CNTN4: variants seen among roughly 807,000 people sequenced by gnomAD.
The protein encoded by CNTN4 is contactin-4.
A neutral mutation model predicts 122.5 loss-of-function variants in CNTN4; 77 were observed. The ratio of observed to expected loss-of-function variants is 0.63; its 90% CI spans 0.52 to 0.76. The LOEUF is 0.76. CNTN4 is among the 30% of genes least tolerant of loss of function. CNTN4 has a pLI of 0.00. For missense variants in CNTN4, 1,256 were observed against 1,259.1 expected (o/e 1.00, Z 0.04); for synonymous variants, 512 against 447.0 (o/e 1.15, Z -1.83).
chr3:2,798,564 C>T (rs949999702), intron 6 of CNTN4, among the ~76,000 whole-genome samples: 5 of 152,134 alleles, frequency 3.3e-5, no homozygotes, highest in Non-Finnish European at 5.9e-5. Flanking sequence ...GGATGGAGTG[C>T]AGTGGTGCGA....
At chr3:2,958,986 T>C (rs2094827569) in intron 13 of CNTN4, among the ~76,000 whole-genome samples, 1 of 152,128 alleles carries the variant, frequency 6.6e-6, no homozygotes, top group South Asian at 2.1e-4. Context: ...AACAGAAGGG[T>C]CAGTAGTCAT....
chr3:2,328,249 C>G (rs1291697421), intron 2 of CNTN4, among the ~76,000 whole-genome samples: 1 of 151,232 alleles, frequency 6.6e-6, no homozygotes, highest in East Asian at 2.0e-4. Context: ...ACTAAAAATA[C>G]AAAAAAATTA....
chr3:2,618,377 A>C (rs1403668804), intron 4 of CNTN4, among the ~76,000 whole-genome samples: 1 of 152,170 alleles, frequency 6.6e-6, no homozygotes, highest in East Asian at 1.9e-4. Flanking sequence ...GTATATATAC[A>C]TGTTTACGTA....
At chr3:2,976,604 T>C (rs1279498457) in intron 13 of CNTN4, among the ~76,000 whole-genome samples, 1 of 152,188 alleles carries the variant, frequency 6.6e-6, no homozygotes, top group African/African-American at 2.4e-5. Flanking sequence ...TTAAATTTGT[T>C]ATCCAAAATA....
intron 3 of CNTN4, among the ~76,000 whole-genome samples, chr3:2,475,163 A>C (rs996022472): frequency 6.6e-6 from 1 of 152,194 alleles, no homozygotes; most frequent in African/African-American, 2.4e-5. Flanking sequence ...ACAGGTACGA[A>C]ATGGACAAAA....
At chr3:2,166,428 A>G (rs1443225677) in intron 2 of CNTN4, among the ~76,000 whole-genome samples, 1 of 152,142 alleles carries the variant, frequency 6.6e-6, no homozygotes, top group Non-Finnish European at 1.5e-5. Context: ...TGAGAGTGTA[A>G]ACCTGAGATA....
chr3:3,049,051 A>G (rs1700979791), intron 23 of CNTN4, among the ~76,000 whole-genome samples: 1 of 152,192 alleles, frequency 6.6e-6, no homozygotes, highest in South Asian at 2.1e-4. Flanking sequence ...TACGTCTACT[A>G]AGCACTGTTC....
At chr3:2,486,494 G>T (rs887851001) in intron 3 of CNTN4, among the ~76,000 whole-genome samples, 1 of 151,862 alleles carries the variant, frequency 6.6e-6, no homozygotes, top group Non-Finnish European at 1.5e-5. Flanking sequence ...AAAAACAGTT[G>T]TTCACTAAAG....
intron 2 of CNTN4, among the ~76,000 whole-genome samples, chr3:2,121,460 T>G (rs1000373514): frequency 6.9e-6 from 1 of 145,778 alleles, no homozygotes; most frequent in Non-Finnish European, 1.5e-5. Flanking sequence ...ATCACACCAC[T>G]GCACCCAGCC....
At chr3:2,994,749 A>G (rs1389394999) in intron 14 of CNTN4, among the ~76,000 whole-genome samples, 3 of 152,164 alleles carry the variant, frequency 2.0e-5, no homozygotes, top group African/African-American at 7.2e-5. Context: ...TAATAGACGC[A>G]ATAAAGTAGA....
intron 2 of CNTN4, among the ~76,000 whole-genome samples, chr3:2,168,582 AAG>A (rs1398022365): frequency 6.6e-6 from 1 of 151,884 alleles, no homozygotes; most frequent in Admixed American, 6.6e-5. Context: ...AATTAATAAA[AAG>A]TGAATAGTTA....
chr3:2,438,958 G>C (rs2048343890), intron 3 of CNTN4, among the ~76,000 whole-genome samples: 1 of 152,318 alleles, frequency 6.6e-6, no homozygotes, highest in South Asian at 2.1e-4. Flanking sequence ...CTAGCTGGAT[G>C]AACACTGGGA....
At chr3:2,953,856 G>A (rs1195383561) in intron 13 of CNTN4, among the ~76,000 whole-genome samples, 1 of 152,094 alleles carries the variant, frequency 6.6e-6, no homozygotes, top group East Asian at 1.9e-4. Context: ...AGTCATTAAT[G>A]CACCGATTCA....
chr3:2,488,126 T>C (rs1326974665), intron 3 of CNTN4, among the ~76,000 whole-genome samples: 1 of 152,200 alleles, frequency 6.6e-6, no homozygotes, highest in Non-Finnish European at 1.5e-5. Flanking sequence ...GAATGCACAT[T>C]TTATGATCAC....
intron 4 of CNTN4, among the ~76,000 whole-genome samples, chr3:2,713,194 A>G (rs1176346180): frequency 6.6e-6 from 1 of 152,116 alleles, no homozygotes; most frequent in African/African-American, 2.4e-5. Context: ...CTGACCAGGT[A>G]TATTCAAAAT....
intron 14 of CNTN4, among the ~76,000 whole-genome samples, chr3:3,001,501 G>A (rs1696042835): frequency 6.6e-6 from 1 of 152,172 alleles, no homozygotes; most frequent in Admixed American, 6.5e-5. Flanking sequence ...AATTTGACTT[G>A]AACCCACAGA....
chr3:2,406,532 G>A (rs1411202777), intron 3 of CNTN4, among the ~76,000 whole-genome samples: 1 of 152,230 alleles, frequency 6.6e-6, no homozygotes, highest in East Asian at 1.9e-4. Flanking sequence ...CTGTGGTTAT[G>A]TAAGGTATGA....
intron 6 of CNTN4, among the ~76,000 whole-genome samples, chr3:2,750,259 C>T (rs2090025840): frequency 6.6e-6 from 1 of 152,070 alleles, no homozygotes; most frequent in African/African-American, 2.4e-5. Flanking sequence ...CTTTATTTAC[C>T]ATGTTACAAT....
chr3:2,103,583 T>C (rs558763049), intron 2 of CNTN4, among the ~76,000 whole-genome samples: 2 of 152,360 alleles, frequency 1.3e-5, no homozygotes, highest in East Asian at 1.9e-4. Context: ...GAAACAAATA[T>C]CTTCCCTGGC....
Sources: allele counts gnomAD v4.1 joint callset (sites outside exome capture counted in the v4.1 genomes callset), GRCh38; gene constraint gnomAD v4.1.1; transcripts MANE v1.5; gene names NCBI Gene and HGNC (gene_info 2026-07-23, HGNC 2026-07-21).